PRLR: variants seen among roughly 807,000 people sequenced by gnomAD.
PRLR encodes hPRL receptor.
In PRLR, 13 loss-of-function variants were observed where a neutral mutation model predicts 40.2. The observed-to-expected ratio is 0.32, with a 90% CI of 0.21 to 0.51. The LOEUF (loss-of-function observed/expected upper bound fraction) is 0.51, where lower values mean the gene tolerates loss of function less well. PRLR is among the 20% of genes least tolerant of loss of function. The pLI is 0.97. For synonymous variants in PRLR, 269 were observed against 278.7 expected (o/e 0.97, Z 0.35); for missense variants, 656 against 747.3 (o/e 0.88, Z 1.42).
chr5:35,198,385 G>A (rs1348016500), intron 1 of PRLR, among the ~76,000 whole-genome samples: 2 of 152,260 alleles, frequency 1.3e-5, no homozygotes, highest in African/African-American at 4.8e-5. Flanking sequence ...AATTCTGAGT[G>A]AAGCTGCAAA....
At position 35,159,495 on chromosome 5, in the gene PRLR, T is replaced by C. The variant is rs540718102; in HGVS notation, c.-105-41373A>G. 2.0e-5 allele frequency among the ~76,000 whole-genome samples: 3 copies of C among 152,160 alleles called. No individual in the cohort carries two copies. In the East Asian group the frequency reaches 5.8e-4, roughly 29 times the overall value. On this transcript the variant is annotated intron_variant, in intron 1 of 9. Coordinates refer to ENST00000618457, the MANE Select transcript of PRLR (RefSeq NM_000949.7). ...CCACTCTACTGATACAAATAAACAG[T>C]GTCAGCGGGACAGAAAGTCCTTGAA...
rs1769052869 is a variant in PRLR at position 35,061,772 on chromosome 5, A to G, written c.*3317T>C. On this transcript the variant is annotated 3_prime_UTR_variant, in exon 10 of 10. Coordinates refer to ENST00000618457, the MANE Select transcript of PRLR (RefSeq NM_000949.7). ...TATTTAGGTATTTGTTTATAAAAAT[A>G]CAACTTATTATAACTCAGAGTGTAA... 1 of 152,196 alleles carries G rather than the reference A, an allele frequency of 6.6e-6. No individual in the cohort carries two copies. The highest frequency in any genetic ancestry group is 2.4e-5 in the African/African-American group (1 of 41,436). The allele number at this position is 152,196 out of a possible 1,614,324, so 9.4% of individuals were successfully genotyped here. A position where few individuals can be genotyped will look rare whatever the true frequency, so the allele number is the denominator to read the frequency against.
chr5:35,228,232 C>CAAAAAAAAAAAAAAAAAAA (rs55934270), intron 1 of PRLR, among the ~76,000 whole-genome samples: 1 of 87,432 alleles, frequency 1.1e-5, no homozygotes, highest in African/African-American at 3.9e-5. Context: ...AACAACCATG[C>CAAAAAAAAAAAAAAAAAAA]AAAAAAAAAA....
intron 3 of PRLR, 24 bp from the exon 4 acceptor site, chr5:35,086,364 C>A: frequency 1.2e-6 from 2 of 1,611,446 alleles, no homozygotes; most frequent in Non-Finnish European, 1.7e-6. Context: ...GAAGCCACTG[C>A]ATCAATATTG....
At chr5:35,162,847 G>C (rs138143003) in intron 1 of PRLR, among the ~76,000 whole-genome samples, 66 of 152,300 alleles carry the variant, frequency 4.3e-4, no homozygotes, top group African/African-American at 1.5e-3. Context: ...ATGATTCACT[G>C]TTTTAGAAAT....
chr5:35,201,185 G>GTA (rs982585431), intron 1 of PRLR, among the ~76,000 whole-genome samples: 1 of 152,106 alleles, frequency 6.6e-6, no homozygotes, highest in African/African-American at 2.4e-5. Flanking sequence ...TGTTATTATG[G>GTA]TATATGCACT....
At chr5:35,206,239 C>T (rs1776011949) in intron 1 of PRLR, among the ~76,000 whole-genome samples, 1 of 152,052 alleles carries the variant, frequency 6.6e-6, no homozygotes, top group Admixed American at 6.5e-5. Context: ...TAAACAGAAT[C>T]AGGCACTTCT....
intron 2 of PRLR, among the ~76,000 whole-genome samples, chr5:35,106,266 A>G (rs1772241906): frequency 6.6e-6 from 1 of 152,252 alleles, no homozygotes; most frequent in Non-Finnish European, 1.5e-5. Context: ...CAGCCACTGC[A>G]AAAACATGCC....
chr5:35,146,584 T>G (rs1431197643), intron 1 of PRLR, among the ~76,000 whole-genome samples: 1 of 152,162 alleles, frequency 6.6e-6, no homozygotes, highest in Admixed American at 6.5e-5. Context: ...TAACTCCTTC[T>G]GAGAATAGGA....
intron 1 of PRLR, chr5:35,195,426 A>G (rs1775709977): frequency 6.6e-6 from 1 of 152,150 alleles, no homozygotes; most frequent in African/African-American, 2.4e-5. Flanking sequence ...CCATAAGACC[A>G]TTTTTACCAC....
At chr5:35,092,986 G>A (rs2112485304) in intron 2 of PRLR, among the ~76,000 whole-genome samples, 1 of 152,268 alleles carries the variant, frequency 6.6e-6, no homozygotes, top group East Asian at 1.9e-4. Flanking sequence ...ACCGTGGTAT[G>A]AACGCCAAGA....
rs1052205929 is a variant in PRLR at position 35,058,713 on chromosome 5, T to C, written c.*6376A>G. 1 of 152,112 alleles carries C rather than the reference T, an allele frequency of 6.6e-6. No homozygotes were observed. The allele number at this position is 152,112 out of a possible 1,614,324, so 9.4% of individuals were successfully genotyped here. ...AGTAATGATTTTCATTTGTATTACA[T>C]GATGAGTTTCACAACATGAGGATTA... On this transcript the variant is annotated 3_prime_UTR_variant, in exon 10 of 10. Transcript: ENST00000618457.
exon 9 of PRLR, chr5:35,049,344 G>C (rs2112318086): frequency 2.8e-6 from 2 of 703,156 alleles, no homozygotes; most frequent in South Asian, 1.5e-5. Context: ...CTTGACTTGA[G>C]ATTTTTCTTG....
intron 1 of PRLR, among the ~76,000 whole-genome samples, chr5:35,229,136 A>G (rs6867352): frequency 0.02 from 2,885 of 147,072 alleles, 97 homozygotes; most frequent in African/African-American, 0.069. Flanking sequence ...TCTATAATAT[A>G]TATATATAAT....
intron 1 of PRLR, chr5:35,195,368 A>G (rs1775708324): frequency 6.6e-6 from 1 of 152,268 alleles, no homozygotes; most frequent in South Asian, 2.1e-4. Flanking sequence ...TGGCCTTTTA[A>G]GTTAATACGC....
intron 1 of PRLR, among the ~76,000 whole-genome samples, chr5:35,176,577 G>C (rs1169818721): frequency 6.6e-6 from 1 of 152,224 alleles, no homozygotes; most frequent in Non-Finnish European, 1.5e-5. Flanking sequence ...TGGATTAAGG[G>C]CGGTGCAAGA....
At chr5:35,068,419 T>A in intron 8 of PRLR, 134 bp from the exon 9 acceptor site, 1 of 740,452 alleles carries the variant, frequency 1.4e-6, no homozygotes, top group South Asian at 1.7e-5. Context: ...AAACAATCAA[T>A]GATGAAAATA....
intron 1 of PRLR, among the ~76,000 whole-genome samples, chr5:35,220,195 C>G (rs1264724170): frequency 1.3e-5 from 2 of 152,188 alleles, no homozygotes; most frequent in Non-Finnish European, 2.9e-5. Context: ...GGATGTTAGG[C>G]TCTCAAAGCA....
chr5:35,096,918 C>A (rs1771571038), intron 2 of PRLR, among the ~76,000 whole-genome samples: 1 of 152,156 alleles, frequency 6.6e-6, no homozygotes, highest in Admixed American at 6.5e-5. Context: ...CTGTGCCCGG[C>A]CTTAAAATTT....
Sources: allele counts gnomAD v4.1 joint callset (sites outside exome capture counted in the v4.1 genomes callset), GRCh38; gene constraint gnomAD v4.1.1; transcripts MANE v1.5; gene names NCBI Gene and HGNC (gene_info 2026-07-23, HGNC 2026-07-21).